CENPP: variants seen among roughly 807,000 people sequenced by gnomAD.
CENPP encodes the protein centromere protein P.
In CENPP, 24 loss-of-function variants were observed where a neutral mutation model predicts 35.6. The ratio of observed to expected loss-of-function variants is 0.67; its 90% CI spans 0.49 to 0.95. The LOEUF (loss-of-function observed/expected upper bound fraction) is 0.95, where lower values mean the gene tolerates loss of function less well. Ranked by LOEUF, CENPP falls within the 40% of genes least tolerant of loss-of-function variation. The pLI is 0.00. For synonymous variants in CENPP, 120 were observed against 125.5 expected, an observed-to-expected ratio of 0.96 and a Z score of 0.29; for missense variants, 332 against 345.3, an observed-to-expected ratio of 0.96 and a Z score of 0.31.
At chr9:92,459,081 A>T (rs942259568) in intron 5 of CENPP, among the ~76,000 whole-genome samples, 9 of 152,280 alleles carry the variant, frequency 5.9e-5, no homozygotes, top group Admixed American at 1.3e-4. Flanking sequence ...GAAGGAAAAG[A>T]TTTCTAATAA....
intron 5 of CENPP, among the ~76,000 whole-genome samples, chr9:92,478,657 T>A (rs1280219775): frequency 6.6e-6 from 1 of 152,116 alleles, no homozygotes; most frequent in African/African-American, 2.4e-5. Context: ...TTCACCATGT[T>A]GGCCAGGCAG....
At chr9:92,436,864 C>G (rs952706182) in intron 5 of CENPP, among the ~76,000 whole-genome samples, 4 of 152,196 alleles carry the variant, frequency 2.6e-5, no homozygotes, top group Admixed American at 1.3e-4. Flanking sequence ...ATTCTAGTTC[C>G]TTTGCCTTTC....
intron 5 of CENPP, among the ~76,000 whole-genome samples, chr9:92,400,183 C>A (rs1413764595): frequency 6.6e-6 from 1 of 152,098 alleles, no homozygotes; most frequent in African/African-American, 2.4e-5. Context: ...CAGAGTCTTG[C>A]TCTGCCGCCT....
chr9:92,427,228 TCTTGG>T (rs367562990), intron 5 of CENPP, among the ~76,000 whole-genome samples: 59 of 152,326 alleles, frequency 3.9e-4, no homozygotes, highest in African/African-American at 1.4e-3. Flanking sequence ...AATGGCGCCG[TCTTGG>T]CTCACTGCAG....
rs1287403503 is a variant in CENPP at position 92,616,556 on chromosome 9, TC to T, written c.*3409del. The T allele has an allele frequency of 6.5e-6, 1 of 154,722 alleles. No homozygotes were observed. The highest frequency in any genetic ancestry group is 2.4e-5 in the African/African-American group (1 of 41,446). The allele number at this position is 154,722 out of a possible 1,614,324, so 9.6% of individuals were successfully genotyped here. A position where few individuals can be genotyped will look rare whatever the true frequency, so the allele number is the denominator to read the frequency against. ...GTCGACAAGCCTTCTTCTTTGCCTC[TC>T]CTGTCTGCTGAGAAACGCAAGCTCC... On this transcript the variant is annotated 3_prime_UTR_variant, in exon 8 of 8. Coordinates refer to ENST00000375587, the MANE Select transcript of CENPP (RefSeq NM_001012267.3).
At chr9:92,450,499 T>G (rs570856809) in intron 5 of CENPP, among the ~76,000 whole-genome samples, 1 of 152,312 alleles carries the variant, frequency 6.6e-6, no homozygotes, top group South Asian at 2.1e-4. Context: ...CTATCATTGT[T>G]GGACATTAGG....
chr9:92,389,821 A>G (rs1311971561), intron 5 of CENPP: 4 of 1,422,722 alleles, frequency 2.8e-6, no homozygotes, highest in South Asian at 1.2e-5. Context: ...ATCATCACTC[A>G]TACTATGCTT....
At chr9:92,378,328 T>G (rs1422455029) in intron 4 of CENPP, among the ~76,000 whole-genome samples, 2 of 152,142 alleles carry the variant, frequency 1.3e-5, no homozygotes, top group Non-Finnish European at 2.9e-5. Context: ...TTGCATGATC[T>G]CCGTTGGTTA....
At chr9:92,403,089 T>C in intron 5 of CENPP, 1 of 564,312 alleles carries the variant, frequency 1.8e-6, no homozygotes, top group Non-Finnish European at 3.1e-6. Context: ...AATACAATCT[T>C]AGGGACAATT....
chr9:92,440,848 A>T (rs1327334276), intron 5 of CENPP, among the ~76,000 whole-genome samples: 1 of 152,234 alleles, frequency 6.6e-6, no homozygotes, highest in Non-Finnish European at 1.5e-5. Flanking sequence ...CATATCCCCC[A>T]AGGTAAAACC....
At chr9:92,362,660 A>G (rs956033336) in intron 4 of CENPP, among the ~76,000 whole-genome samples, 3 of 152,158 alleles carry the variant, frequency 2.0e-5, no homozygotes, top group African/African-American at 7.2e-5. Context: ...TGACCACACA[A>G]TTACTACTCT....
rs1407848708 is a variant in CENPP, at chr9:92,466,524, G to A, written c.564+86665G>A. 19 of 1,614,066 alleles carry A rather than the reference G, an allele frequency of 1.2e-5. 1 individual carries two copies. The South Asian group carries it at 2.0e-4, about 17-fold the overall frequency. On this transcript the variant is annotated intron_variant, in intron 5 of 7. Coordinates refer to ENST00000375587, the MANE Select transcript of CENPP (RefSeq NM_001012267.3). ...TTCGCAACTTCTTTGTGGTTAGAAA[G>A]GCTTTTGGGTGAATCTTCGTTAGCT... is the stretch of plus-strand genomic sequence containing the variant.
chr9:92,546,866 AG>A (rs1849471646), intron 5 of CENPP, among the ~76,000 whole-genome samples: 1 of 152,318 alleles, frequency 6.6e-6, no homozygotes, highest in Middle Eastern at 3.4e-3. Context: ...GAGGATATTG[AG>A]TTCATAATTT....
At chr9:92,556,097 A>G (rs115409082) in intron 5 of CENPP, among the ~76,000 whole-genome samples, 291 of 152,162 alleles carry the variant, frequency 1.9e-3, no homozygotes, top group African/African-American at 6.8e-3. Context: ...CATTATTGTC[A>G]TCTGGTTCAA....
chr9:92,543,943 CT>C (rs1849372107), intron 5 of CENPP, among the ~76,000 whole-genome samples: 1 of 152,100 alleles, frequency 6.6e-6, no homozygotes, highest in Admixed American at 6.6e-5. Flanking sequence ...TTGGTGCAGT[CT>C]TTAGAATTTT....
chr9:92,356,773 G>T (rs1350209604), intron 4 of CENPP, among the ~76,000 whole-genome samples: 2 of 152,188 alleles, frequency 1.3e-5, no homozygotes, highest in South Asian at 4.1e-4. Flanking sequence ...AGAGATTAAA[G>T]ACAGGTGTAA....
At position 92,385,611 on chromosome 9, in the gene CENPP, C is replaced by T. The variant is rs772093039; in HGVS notation, c.564+5752C>T. ...GTGTACTTTCATTTATATGTTGTAC[C>T]AATAGAGGTTAAAAGTATGACCCTA... On this transcript the variant is annotated intron_variant, in intron 5 of 7. Transcript: ENST00000375587. 5.6e-6 allele frequency: 9 copies of T among 1,611,316 alleles called. 1 individual carries two copies. In the South Asian group the frequency reaches 9.9e-5, roughly 18 times the overall value.
At chr9:92,367,292 G>A (rs1474291141) in intron 4 of CENPP, among the ~76,000 whole-genome samples, 2 of 151,976 alleles carry the variant, frequency 1.3e-5, no homozygotes, top group Admixed American at 6.6e-5. Context: ...TCAGCCTCCC[G>A]AGTAGCTGGA....
intron 5 of CENPP, chr9:92,517,319 G>T (rs554634307): frequency 1.3e-5 from 4 of 309,854 alleles, no homozygotes; most frequent in South Asian, 5.3e-5. Context: ...ATAAAGGCAC[G>T]TTGCACTGGA....
Sources: gnomAD v4.1 joint callset for allele counts (sites outside exome capture counted in the v4.1 genomes callset) on GRCh38, gnomAD v4.1.1 for gene constraint, MANE v1.5 for transcripts, NCBI Gene and HGNC (gene_info 2026-07-23, HGNC 2026-07-21) for gene names.